CLIC5: variants seen among roughly 807,000 people sequenced by gnomAD.
The protein encoded by CLIC5 is chloride intracellular channel protein 5.
CLIC5 carries 20 observed loss-of-function variants against 24.7 expected under a neutral mutation model. That is an observed-to-expected ratio of 0.81 (90% confidence interval 0.57 to 1.18). The LOEUF (loss-of-function observed/expected upper bound fraction) is 1.18. Ranked by LOEUF, CLIC5 falls within the 50% of genes most tolerant of loss-of-function variation. The pLI is 0.00. For synonymous variants in CLIC5, 159 were observed against 135.6 expected (o/e 1.17, Z -1.20); for missense variants, 341 against 326.1 (o/e 1.05, Z -0.35).
At chr6:46,041,895 A>C (rs1260268660) in intron 1 of CLIC5, among the ~76,000 whole-genome samples, 1 of 152,210 alleles carries the variant, frequency 6.6e-6, no homozygotes, top group African/African-American at 2.4e-5. Context: ...AATAAAGTTA[A>C]TGTTTATAAT....
intron 1 of CLIC5, among the ~76,000 whole-genome samples, chr6:46,040,244 T>C (rs1458504787): frequency 6.6e-6 from 1 of 152,114 alleles, no homozygotes; most frequent in Non-Finnish European, 1.5e-5. Context: ...GACGGTAGCA[T>C]GTGATGACAC....
intron 1 of CLIC5, among the ~76,000 whole-genome samples, chr6:45,962,093 C>T (rs1414571560): frequency 6.9e-6 from 1 of 145,466 alleles, no homozygotes; most frequent in Non-Finnish European, 1.5e-5. Flanking sequence ...CACACACACA[C>T]ATCCTGTTAT....
the CLIC5 span, among the ~76,000 whole-genome samples, chr6:46,088,391 C>T: frequency 5.3e-5 from 8 of 152,100 alleles, no homozygotes; most frequent in African/African-American, 1.7e-4. Flanking sequence ...ACAAGAAACA[C>T]ACATTTAGCT....
chr6:46,009,786 C>T (rs1323763661), intron 1 of CLIC5, among the ~76,000 whole-genome samples: 1 of 152,188 alleles, frequency 6.6e-6, no homozygotes, highest in African/African-American at 2.4e-5. Context: ...TTACCCTGGC[C>T]TGGCTACCAG....
At chr6:45,995,432 G>C (rs1317073617) in intron 1 of CLIC5, among the ~76,000 whole-genome samples, 1 of 152,216 alleles carries the variant, frequency 6.6e-6, no homozygotes, top group Admixed American at 6.5e-5. Context: ...AGGGGATGGA[G>C]AGGGAGGAGA....
intron 2 of CLIC5, among the ~76,000 whole-genome samples, chr6:45,954,461 CAAG>C (rs1764577199): frequency 6.6e-6 from 1 of 151,956 alleles, no homozygotes. Flanking sequence ...ATAAAGATAA[CAAG>C]GAGAATATGC....
intron 6 of CLIC5, among the ~76,000 whole-genome samples, chr6:45,888,652 A>G (rs949364990): frequency 2.0e-5 from 3 of 152,252 alleles, no homozygotes; most frequent in Non-Finnish European, 4.4e-5. Context: ...TTTTCAAAGT[A>G]GTTATGTAGT....
intron 1 of CLIC5, among the ~76,000 whole-genome samples, chr6:46,043,323 G>A (rs892996541): frequency 1.3e-5 from 2 of 152,174 alleles, no homozygotes; most frequent in African/African-American, 4.8e-5. Flanking sequence ...AGAAAAGTGA[G>A]GATTAGAAGT....
rs139075655 is a variant in CLIC5, at chr6:46,011,716, C to T, written c.63+3764G>A. Among the ~76,000 whole-genome samples the T allele has an allele frequency of 1.3e-4, 20 of 152,320 alleles. No individual in the cohort carries two copies. In the East Asian group the frequency reaches 3.7e-3, roughly 28 times the overall value. The stretch of plus-strand genomic sequence containing the variant: ...ATGCCTTGATCTAACCTACACAGCA[C>T]ATCCTGTGTTTGTCTTTTCAAATTG... On this transcript the variant is annotated intron_variant, in intron 1 of 5. Coordinates refer to ENST00000339561, the MANE Select transcript of CLIC5 (RefSeq NM_016929.5).
At chr6:46,025,974 TG>T (rs1767320819) in intron 1 of CLIC5, among the ~76,000 whole-genome samples, 1 of 152,152 alleles carries the variant, frequency 6.6e-6, no homozygotes, top group Admixed American at 6.6e-5. Flanking sequence ...CCATGTGGAA[TG>T]GTGAGTCAAT....
chr6:45,988,346 G>GC (rs1044506621), intron 1 of CLIC5, among the ~76,000 whole-genome samples: 39 of 152,248 alleles, frequency 2.6e-4, no homozygotes, highest in African/African-American at 9.4e-4. Context: ...TGGCAGTTCT[G>GC]CCCCCATGAC....
At chr6:46,006,093 CATATATATATATATATAT>C (rs1243138730) in intron 1 of CLIC5, among the ~76,000 whole-genome samples, 1 of 94,798 alleles carries the variant, frequency 1.1e-5, no homozygotes, top group Non-Finnish European at 2.0e-5. Flanking sequence ...TGTATAAATA[CATATATATATATATATAT>C]ACACATGTAT....
intron 6 of CLIC5, among the ~76,000 whole-genome samples, chr6:45,890,441 G>A (rs1436780224): frequency 6.6e-6 from 1 of 152,172 alleles, no homozygotes; most frequent in Non-Finnish European, 1.5e-5. Context: ...TGGAGCAAAG[G>A]GAACTCTTAT....
At chr6:45,908,949 G>T (rs2127300227) in intron 5 of CLIC5, among the ~76,000 whole-genome samples, 1 of 151,678 alleles carries the variant, frequency 6.6e-6, no homozygotes, top group African/African-American at 2.4e-5. Context: ...GTGAACCTGG[G>T]TGCTCCAGTG....
the CLIC5 span, among the ~76,000 whole-genome samples, chr6:46,105,776 C>A: frequency 6.6e-6 from 1 of 152,180 alleles, no homozygotes; most frequent in African/African-American, 2.4e-5. Flanking sequence ...ACTTTGTACT[C>A]TAAGAGAGAA....
chr6:45,959,472 G>C (rs944335314), intron 1 of CLIC5, among the ~76,000 whole-genome samples: 1 of 152,096 alleles, frequency 6.6e-6, no homozygotes, highest in Non-Finnish European at 1.5e-5. Context: ...GTAGAAGTCG[G>C]CTTCCACATT....
chr6:46,087,850 C>T, the CLIC5 span, among the ~76,000 whole-genome samples: 3 of 152,048 alleles, frequency 2.0e-5, no homozygotes, highest in East Asian at 1.9e-4. Context: ...TGATGAGTTT[C>T]GAAGGAACTG....
chr6:46,098,760 AGCCCAG>A, the CLIC5 span, among the ~76,000 whole-genome samples: 1 of 152,176 alleles, frequency 6.6e-6, no homozygotes, highest in East Asian at 1.9e-4. Context: ...TTTGCTCCCC[AGCCCAG>A]GTGTCACCAC....
chr6:45,974,224 C>T (rs979897800), intron 1 of CLIC5, among the ~76,000 whole-genome samples: 26 of 151,790 alleles, frequency 1.7e-4, no homozygotes, highest in Non-Finnish European at 3.1e-4. Context: ...TGTCCTTATG[C>T]TCCCCTGAGA....
Sources: gnomAD v4.1 joint callset for allele counts (sites outside exome capture counted in the v4.1 genomes callset) on GRCh38, gnomAD v4.1.1 for gene constraint, MANE v1.5 for transcripts, NCBI Gene and HGNC (gene_info 2026-07-23, HGNC 2026-07-21) for gene names.